SPOP: variants seen among roughly 807,000 people sequenced by gnomAD.
SPOP encodes speckle type BTB/POZ protein.
In SPOP, 11 loss-of-function variants were observed where a neutral mutation model predicts 45.6. The ratio of observed to expected loss-of-function variants is 0.24; its 90% CI spans 0.15 to 0.40. The LOEUF is 0.40. Ranked by LOEUF, SPOP falls within the 10% of genes least tolerant of loss-of-function variation. SPOP has a pLI of 1.00. For missense variants in SPOP, 152 were observed against 465.6 expected, an observed-to-expected ratio of 0.33 and a Z score of 6.20; for synonymous variants, 166 against 166.3, an observed-to-expected ratio of 1.00 and a Z score of 0.01.
At position 49,622,877 on chromosome 17, in the gene SPOP, C is replaced by CTGGTCAGAT. The variant is rs554279352; in HGVS notation, c.-66-10_-66-2dup. 6.7e-5 allele frequency: 85 copies of CTGGTCAGAT among 1,270,362 alleles called. No homozygotes were observed. The Admixed American group carries it at 1.0e-3, about 15-fold the overall frequency. The allele number at this position is 1,270,362 out of a possible 1,614,324, so 78.7% of individuals were successfully genotyped here. On this transcript the variant is annotated splice_acceptor_variant, in intron 1 of 9. Transcript: ENST00000504102. LOFTEE classifies it low-confidence loss of function (5UTR_SPLICE). ...CAAAGATTTCTGTTCCCTCTTCACC[C>CTGGTCAGAT]TGGTCAGATCCAAGAAGCAAGAAAA... is the stretch of plus-strand genomic sequence containing the variant.
At chr17:49,605,752 C>G (rs1040342927) in intron 8 of SPOP, among the ~76,000 whole-genome samples, 2 of 151,892 alleles carry the variant, frequency 1.3e-5, no homozygotes, top group African/African-American at 4.8e-5. Flanking sequence ...CTTTGGGAGG[C>G]AGAGGTGGGC....
At chr17:49,633,939 G>T (rs1318428891) in intron 1 of SPOP, among the ~76,000 whole-genome samples, 1 of 151,780 alleles carries the variant, frequency 6.6e-6, no homozygotes, top group Non-Finnish European at 1.5e-5. Context: ...ACAAGATCTG[G>T]GTTAATACCA....
chr17:49,671,957 G>A (rs188254025), intron 1 of SPOP, among the ~76,000 whole-genome samples: 21 of 152,170 alleles, frequency 1.4e-4, no homozygotes, highest in Non-Finnish European at 2.8e-4. Context: ...TGGCTAACAC[G>A]GTGAAACCCC....
intron 1 of SPOP, among the ~76,000 whole-genome samples, chr17:49,632,900 G>C (rs2072478513): frequency 6.6e-6 from 1 of 152,186 alleles, no homozygotes; most frequent in Non-Finnish European, 1.5e-5. Context: ...ATGGAGAAAA[G>C]ATAACTAACA....
chr17:49,619,492 T>A lies in SPOP; in HGVS notation c.201-107A>T. The A allele has an allele frequency of 8.2e-7, 1 of 1,226,330 alleles. No individual in the cohort carries two copies. Among genetic ancestry groups the A allele is most frequent in the Non-Finnish European group, 1.1e-6 (1 of 898,972 alleles). The allele number at this position is 1,226,330 out of a possible 1,614,324, so 76.0% of individuals were successfully genotyped here. On this transcript the variant is annotated intron_variant, in intron 3 of 9. Transcript: ENST00000504102. The surrounding 1 kb of genome is among the most constrained non-coding windows in gnomAD (Gnocchi z 4.9). Reference sequence around the variant, plus strand: ...GTTTAAAAAACAAATGCAGGCCCCATAGAAGAATATAATTCAGTAGAATGA... The same window carrying A: ...GTTTAAAAAACAAATGCAGGCCCCAAAGAAGAATATAATTCAGTAGAATGA...
chr17:49,654,125 T>C (rs960894107), intron 1 of SPOP, among the ~76,000 whole-genome samples: 1 of 152,238 alleles, frequency 6.6e-6, no homozygotes, highest in East Asian at 1.9e-4. Context: ...ATTTAGTTCT[T>C]TGTCTTTGTC....
At chr17:49,624,678 T>G (rs1224350635) in intron 1 of SPOP, among the ~76,000 whole-genome samples, 2 of 152,168 alleles carry the variant, frequency 1.3e-5, no homozygotes, top group Non-Finnish European at 2.9e-5. Context: ...TTTGCCATGT[T>G]GCCCAGGCTG....
intron 3 of SPOP, among the ~76,000 whole-genome samples, chr17:49,621,053 G>A (rs55713619): frequency 0.012 from 1,785 of 152,290 alleles, 30 homozygotes; most frequent in African/African-American, 0.039. Context: ...AGAGACTTGC[G>A]TTTTGGTCTT....
At chr17:49,605,369 CTG>C (rs1172893070) in intron 8 of SPOP, among the ~76,000 whole-genome samples, 4 of 152,212 alleles carry the variant, frequency 2.6e-5, no homozygotes, top group African/African-American at 4.8e-5. Flanking sequence ...ATACCAAAAT[CTG>C]TGAATGCTCA....
intron 5 of SPOP, 52 bp from the exon 6 acceptor site, chr17:49,611,509 T>G (rs1416917178): frequency 2.6e-6 from 4 of 1,537,386 alleles, no homozygotes; most frequent in Non-Finnish European, 3.5e-6. Context: ...GGAATTTTTT[T>G]GCCAGCAGAT....
chr17:49,634,895 G>C (rs1775472493), intron 1 of SPOP, among the ~76,000 whole-genome samples: 1 of 152,158 alleles, frequency 6.6e-6, no homozygotes, highest in Non-Finnish European at 1.5e-5. Flanking sequence ...CTGCTCCAGG[G>C]GATTTGGTCT....
chr17:49,618,218 T>C (rs1171878757), intron 5 of SPOP, among the ~76,000 whole-genome samples: 1 of 152,230 alleles, frequency 6.6e-6, no homozygotes, highest in Non-Finnish European at 1.5e-5. Context: ...AATGCCCCAG[T>C]TGACTGGAGA....
rs368724346 is a variant in SPOP, at chr17:49,612,100, G to A, written c.481-643C>T. On this transcript the variant is annotated intron_variant, in intron 5 of 9. Transcript: ENST00000504102. The stretch of plus-strand genomic sequence containing the variant: ...GTCTCACTATGTTGCCCAGGATGAT[G>A]TTGAACTCCTGGGCTCAAAGTGATC... Among the ~76,000 whole-genome samples the A allele has an allele frequency of 6.6e-5, 10 of 152,218 alleles. 1 individual carries two copies. The East Asian group carries it at 1.5e-3, about 23-fold the overall frequency.
At chr17:49,630,554 G>A (rs1392161962) in intron 1 of SPOP, among the ~76,000 whole-genome samples, 2 of 151,946 alleles carry the variant, frequency 1.3e-5, no homozygotes, top group Non-Finnish European at 2.9e-5. Flanking sequence ...GTCTTTTATC[G>A]GGTTCATGCT....
intron 1 of SPOP, among the ~76,000 whole-genome samples, chr17:49,643,239 T>C (rs2072692032): frequency 6.6e-6 from 1 of 152,186 alleles, no homozygotes; most frequent in South Asian, 2.1e-4. Context: ...GAGTAACAGT[T>C]TTCATTTGTA....
intron 1 of SPOP, among the ~76,000 whole-genome samples, chr17:49,648,804 A>G (rs2072797954): frequency 6.6e-6 from 1 of 152,078 alleles, no homozygotes; most frequent in Non-Finnish European, 1.5e-5. Flanking sequence ...TGTTGCCCAG[A>G]CTGGAGTGCA....
At chr17:49,628,294 A>G (rs1487569367) in intron 1 of SPOP, among the ~76,000 whole-genome samples, 1 of 152,268 alleles carries the variant, frequency 6.6e-6, no homozygotes, top group Non-Finnish European at 1.5e-5. Flanking sequence ...CTGACCTGTG[A>G]GAACAGACCT....
At position 49,619,413 on chromosome 17, in the gene SPOP, T is replaced by C. The variant is rs1730467641; in HGVS notation, c.201-28A>G. ...GTCCAAAACAGATAGAAAAAAAAAA[T>C]GTCAAAAGCATCCATTTTGATAGAA... On this transcript the variant is annotated intron_variant, in intron 3 of 9. Transcript: ENST00000504102. The surrounding 1 kb of genome is among the most constrained non-coding windows in gnomAD (Gnocchi z 4.9). 2 of 1,579,636 alleles carry C rather than the reference T, an allele frequency of 1.3e-6. No individual in the cohort carries two copies. The highest frequency in any genetic ancestry group is 1.2e-5 in the South Asian group (1 of 85,596).
intron 1 of SPOP, among the ~76,000 whole-genome samples, chr17:49,668,589 T>A (rs1237399111): frequency 1.3e-5 from 2 of 152,102 alleles, no homozygotes; most frequent in Admixed American, 6.5e-5. Context: ...ATTTCAGTAA[T>A]GTTTTATTCA....
Sources: gnomAD v4.1 joint callset for allele counts (sites outside exome capture counted in the v4.1 genomes callset) on GRCh38, gnomAD v4.1.1 for gene constraint, Gnocchi (gnomAD v3.1) non-coding constraint, MANE v1.5 for transcripts, NCBI Gene and HGNC (gene_info 2026-07-23, HGNC 2026-07-21) for gene names.